Variants in CSMD1 observed in about 807,000 individuals in gnomAD.
The protein encoded by CSMD1 is CUB and Sushi multiple domains 1.
Under a neutral mutation model 417.5 loss-of-function variants are expected in CSMD1, and 213 were observed. The ratio of observed to expected loss-of-function variants is 0.51; its 90% CI spans 0.46 to 0.57. The LOEUF is 0.57. Among genes scored for constraint, CSMD1 ranks in the 20% least tolerant of loss-of-function variants. The probability of loss-of-function intolerance (pLI) is 0.00; values close to 1 mark genes in which losing one functional copy is unlikely to be tolerated. For synonymous variants in CSMD1, 2,862 were observed against 1,736.8 expected (o/e 1.65, Z -16.11); for missense variants, 6,923 against 4,529.7 (o/e 1.53, Z -15.17).
intron 1 of CSMD1, among the ~76,000 whole-genome samples, chr8:4,722,397 C>T (rs769798440): frequency 3.3e-5 from 5 of 152,100 alleles, no homozygotes; most frequent in Non-Finnish European, 5.9e-5. Flanking sequence ...TCTCCCAATG[C>T]TGTGTATCTC....
At chr8:3,234,372 T>C (rs1799027100) in intron 26 of CSMD1, among the ~76,000 whole-genome samples, 1 of 152,220 alleles carries the variant, frequency 6.6e-6, no homozygotes, top group African/African-American at 2.4e-5. Context: ...ATCACACTTA[T>C]TTCTTAAACA....
chr8:4,052,860 C>G (rs1048994328), intron 3 of CSMD1, among the ~76,000 whole-genome samples: 1 of 152,078 alleles, frequency 6.6e-6, no homozygotes, highest in East Asian at 1.9e-4. Flanking sequence ...ATCTCTCATA[C>G]CACAATGATT....
At chr8:3,250,177 T>G (rs1800160149) in intron 26 of CSMD1, among the ~76,000 whole-genome samples, 1 of 152,192 alleles carries the variant, frequency 6.6e-6, no homozygotes, top group Non-Finnish European at 1.5e-5. Flanking sequence ...CATTTAACAT[T>G]AGGTATGTCT....
At chr8:4,302,062 T>C (rs188457875) in intron 3 of CSMD1, among the ~76,000 whole-genome samples, 102 of 152,360 alleles carry the variant, frequency 6.7e-4, no homozygotes, top group African/African-American at 2.3e-3. Context: ...CATTAGAATT[T>C]TCCACAAACT....
At chr8:4,709,651 T>A (rs933733406) in intron 1 of CSMD1, among the ~76,000 whole-genome samples, 2 of 151,910 alleles carry the variant, frequency 1.3e-5, no homozygotes, top group African/African-American at 4.8e-5. Flanking sequence ...CTACTGGGGG[T>A]CTTCAGCAAA....
intron 1 of CSMD1, among the ~76,000 whole-genome samples, chr8:4,977,457 A>C (rs1810627842): frequency 6.6e-6 from 1 of 152,182 alleles, no homozygotes; most frequent in Non-Finnish European, 1.5e-5. Context: ...GGACTCATGC[A>C]CATTGGGAAA....
rs180904466 is a variant in CSMD1, at chr8:3,117,936, A to C, written c.6430+463T>G. ...GTACCTTTCAAGGCCCACTACAAAA[A>C]TGAGCTCATTTTTCTGAAATGCAAA... On this transcript the variant is annotated intron_variant, in intron 42 of 69. Coordinates refer to ENST00000635120, the MANE Select transcript of CSMD1 (RefSeq NM_033225.6). Among the ~76,000 whole-genome samples, 339 of 152,338 alleles carry C rather than the reference A, an allele frequency of 2.2e-3. 1 individual carries two copies. The highest frequency in any genetic ancestry group is 7.9e-3 in the African/African-American group (330 of 41,570).
chr8:4,263,166 C>G (rs191967883), intron 3 of CSMD1, among the ~76,000 whole-genome samples: 65 of 152,056 alleles, frequency 4.3e-4, no homozygotes, highest in African/African-American at 1.4e-3. Flanking sequence ...AAGCAATGTT[C>G]TGACTAGCTG....
chr8:3,820,031 C>G (rs1438097980), intron 5 of CSMD1, among the ~76,000 whole-genome samples: 1 of 152,188 alleles, frequency 6.6e-6, no homozygotes, highest in Non-Finnish European at 1.5e-5. Context: ...GTCATCTTCA[C>G]AGATAGAAAA....
chr8:4,503,722 G>A (rs1042754877), intron 2 of CSMD1, among the ~76,000 whole-genome samples: 33 of 152,218 alleles, frequency 2.2e-4, no homozygotes, highest in African/African-American at 7.5e-4. Context: ...CTGGAAATTA[G>A]GGGACAGAAA....
chr8:3,753,358 T>A (rs1314825896), intron 6 of CSMD1, among the ~76,000 whole-genome samples: 2 of 152,170 alleles, frequency 1.3e-5, no homozygotes, highest in African/African-American at 2.4e-5. Context: ...ATGATCTAGG[T>A]ATAAACCTTA....
intron 10 of CSMD1, among the ~76,000 whole-genome samples, chr8:3,547,586 A>G (rs1798721893): frequency 6.6e-6 from 1 of 152,132 alleles, no homozygotes; most frequent in African/African-American, 2.4e-5. Flanking sequence ...TTTTATTTAC[A>G]TTGCTTTACT....
At chr8:3,081,073 T>A (rs1260083035) in intron 49 of CSMD1, among the ~76,000 whole-genome samples, 1 of 152,200 alleles carries the variant, frequency 6.6e-6, no homozygotes, top group Non-Finnish European at 1.5e-5. Context: ...ACCAAATGGC[T>A]ACAAGGGGCA....
chr8:4,895,426 T>C (rs937301960), intron 1 of CSMD1, among the ~76,000 whole-genome samples: 2 of 152,228 alleles, frequency 1.3e-5, no homozygotes, highest in African/African-American at 4.8e-5. Flanking sequence ...CCTGAGTAAA[T>C]TTCATTTTCT....
intron 3 of CSMD1, among the ~76,000 whole-genome samples, chr8:4,352,221 G>T (rs544060259): frequency 1.3e-5 from 2 of 152,170 alleles, no homozygotes; most frequent in East Asian, 1.9e-4. Context: ...TAGAGCTAAT[G>T]CAATTGTAAG....
At chr8:3,791,591 A>C (rs1203767277) in intron 5 of CSMD1, among the ~76,000 whole-genome samples, 4 of 152,240 alleles carry the variant, frequency 2.6e-5, no homozygotes, top group African/African-American at 9.6e-5. Context: ...TGGGAGGCCT[A>C]GGAGGGTTGA....
intron 6 of CSMD1, among the ~76,000 whole-genome samples, chr8:3,733,823 T>C (rs1796391480): frequency 6.6e-6 from 1 of 152,192 alleles, no homozygotes; most frequent in Non-Finnish European, 1.5e-5. Context: ...TTTTACTTTA[T>C]TATTAGTTAT....
intron 1 of CSMD1, among the ~76,000 whole-genome samples, chr8:4,846,018 C>T (rs947782352): frequency 2.6e-5 from 4 of 152,276 alleles, no homozygotes; most frequent in African/African-American, 9.6e-5. Context: ...CACTTTCTCA[C>T]TTCTTTGTTT....
intron 3 of CSMD1, among the ~76,000 whole-genome samples, chr8:4,405,216 C>T (rs745662433): frequency 1.3e-5 from 2 of 152,258 alleles, no homozygotes; most frequent in East Asian, 1.9e-4. Flanking sequence ...AGGAGACTAA[C>T]CCGTGGTTTT....
Sources: gnomAD v4.1 joint callset for allele counts (sites outside exome capture counted in the v4.1 genomes callset) on GRCh38, gnomAD v4.1.1 for gene constraint, MANE v1.5 for transcripts, NCBI Gene and HGNC (gene_info 2026-07-23, HGNC 2026-07-21) for gene names.